The following ATIC variants were observed in gnomAD, a reference collection of about 807,000 sequenced individuals.
The protein encoded by ATIC is 5-aminoimidazole-4-carboxamide ribonucleotide formyltransferase/IMP cyclohydrolase.
A neutral mutation model predicts 72.5 loss-of-function variants in ATIC; 64 were observed. The ratio of observed to expected loss-of-function variants is 0.88; its 90% confidence interval spans 0.72 to 1.09. The LOEUF (loss-of-function observed/expected upper bound fraction) is 1.09. Among genes scored for constraint, ATIC ranks in the 50% least tolerant of loss-of-function variants. The pLI is 0.00. For missense variants in ATIC, 787 were observed against 732.4 expected (o/e 1.07, Z -0.86); for synonymous variants, 281 against 267.1 (o/e 1.05, Z -0.51).
the ATIC span, chr2:215,367,906 C>T: frequency 3.7e-6 from 6 of 1,614,142 alleles, no homozygotes; most frequent in Non-Finnish European, 5.1e-6. Context: ...AGCCTAAGCA[C>T]TGGCACAACA....
chr2:215,356,572 A>G, the ATIC span, among the ~76,000 whole-genome samples: 1 of 152,186 alleles, frequency 6.6e-6, no homozygotes, highest in African/African-American at 2.4e-5. Context: ...TAAAATTTTC[A>G]TCACCCCAAA....
At chr2:215,315,362 A>G (rs1027103797) in intron 2 of ATIC, among the ~76,000 whole-genome samples, 8 of 151,982 alleles carry the variant, frequency 5.3e-5, no homozygotes, top group African/African-American at 1.7e-4. Context: ...AGAAAGCTAT[A>G]TATATATATT....
chr2:215,354,485 G>GT (rs760514512), downstream of ATIC, among the ~76,000 whole-genome samples: 9 of 152,100 alleles, frequency 5.9e-5, no homozygotes, highest in South Asian at 4.2e-4. Context: ...CATTTCTTCT[G>GT]TTTTTTATCC....
intron 2 of ATIC, among the ~76,000 whole-genome samples, chr2:215,313,548 A>G (rs2052677837): frequency 6.6e-6 from 1 of 152,192 alleles, no homozygotes; most frequent in Non-Finnish European, 1.5e-5. Context: ...CGGCAGTGAG[A>G]GTTGGGAGGA....
intron 2 of ATIC, among the ~76,000 whole-genome samples, chr2:215,317,567 C>T (rs2052723487): frequency 6.6e-6 from 1 of 152,104 alleles, no homozygotes; most frequent in African/African-American, 2.4e-5. Context: ...CTCACTGCGA[C>T]CTCCAACTCT....
the ATIC span, among the ~76,000 whole-genome samples, chr2:215,355,227 C>T: frequency 6.6e-6 from 1 of 152,108 alleles, no homozygotes; most frequent in Non-Finnish European, 1.5e-5. Flanking sequence ...AAGTTGAGCA[C>T]TTTGGGAGGG....
rs114443266 is a variant in ATIC at position 215,319,657 on chromosome 2, T to A, written c.224-8T>A. 4.5e-4 allele frequency: 722 copies of A among 1,603,986 alleles called. 4 individuals carry two copies. The African/African-American group carries it at 7.4e-3, about 16-fold the overall frequency. On this transcript the variant is annotated splice_region_variant and splice_polypyrimidine_tract_variant and intron_variant, in intron 3 of 15. Transcript: ENST00000236959. Reference sequence around the variant, plus strand: ...AGCTAATGACTTTGTTTAACTTTTTTAAATTAGGAATCCTAGCTCGTAATA... The same window carrying A: ...AGCTAATGACTTTGTTTAACTTTTTAAAATTAGGAATCCTAGCTCGTAATA...
At chr2:215,367,951 A>C in the ATIC span, 4 of 1,614,094 alleles carry the variant, frequency 2.5e-6, no homozygotes, top group Non-Finnish European at 3.4e-6. Context: ...GTTCCCACTC[A>C]TCTCCAACGG....
intron 4 of ATIC, 186 bp from the exon 5 acceptor site, chr2:215,325,055 C>T (rs1217315807): frequency 1.8e-6 from 1 of 561,668 alleles, no homozygotes; most frequent in Non-Finnish European, 3.2e-6. Flanking sequence ...TCTGCTCGAC[C>T]CCAGCAGGAC....
At position 215,325,316 on chromosome 2, in the gene ATIC, G is replaced by A. The variant is rs781558741; in HGVS notation, c.366G>A (p.Glu122=). 101 of 1,613,074 alleles carry A rather than the reference G, an allele frequency of 6.3e-5. No homozygotes were observed. Among genetic ancestry groups the A allele is most frequent in the Admixed American group, 2.2e-4 (13 of 60,000 alleles). The stretch of plus-strand genomic sequence containing the variant: ...GTGTAACTGTTGAGGAGGCTGTGGA[G>A]CAAATTGACATTGGTAAGTCAGAAA... ...SPGVTVEEAV[E]QIDIGGVTLL... Residue 122 remains glutamate, a synonymous_variant, in exon 5 of 16, where the codon GAG becomes GAA. Coordinates refer to ENST00000236959, the MANE Select transcript of ATIC (RefSeq NM_004044.7).
At chr2:215,321,518 A>G (rs770258655) in intron 4 of ATIC, among the ~76,000 whole-genome samples, 2 of 152,202 alleles carry the variant, frequency 1.3e-5, no homozygotes, top group Non-Finnish European at 2.9e-5. Flanking sequence ...TTCCTTGGTC[A>G]TATGGTAACT....
At chr2:215,345,642 G>A (rs2053063334) in intron 13 of ATIC, 1 of 152,634 alleles carries the variant, frequency 6.6e-6, no homozygotes, top group Non-Finnish European at 1.5e-5. Context: ...AGGGAGGTGG[G>A]TGGATATGAA....
chr2:215,321,041 A>G (rs1420318746), intron 4 of ATIC, among the ~76,000 whole-genome samples: 2 of 152,286 alleles, frequency 1.3e-5, no homozygotes, highest in Admixed American at 6.5e-5. Context: ...TGAGATTTGG[A>G]GAGGACACAC....
At chr2:215,314,029 T>G (rs1003290861) in intron 2 of ATIC, among the ~76,000 whole-genome samples, 9 of 152,204 alleles carry the variant, frequency 5.9e-5, no homozygotes, top group African/African-American at 2.2e-4. Flanking sequence ...TGGAAACATT[T>G]CAGACACAAT....
intron 14 of ATIC, 101 bp from the exon 15 acceptor site, chr2:215,348,993 C>G: frequency 1.8e-6 from 2 of 1,138,348 alleles, no homozygotes; most frequent in South Asian, 3.3e-5. Context: ...AAAACAAGTC[C>G]TAAGAAAAAT....
chr2:215,332,082 T>C (rs918392752), intron 7 of ATIC, among the ~76,000 whole-genome samples: 7 of 151,960 alleles, frequency 4.6e-5, no homozygotes, highest in African/African-American at 1.7e-4. Flanking sequence ...CATCCCTAAA[T>C]CTCTTATTGT....
In ATIC at chr2:215,346,880, G is replaced by A; in HGVS notation, c.1442G>A (p.Gly481Glu). 6.2e-7 allele frequency: 1 copy of A among 1,614,196 alleles called. No individual in the cohort carries two copies. The highest frequency in any genetic ancestry group is 1.1e-5 in the South Asian group (1 of 91,080). ...GTGCTTTCGATGAAGTTTAAAACAG[G>A]AGTGAAGAGAGCAGAAATCTCCAAT... Reference protein sequence around the residue: ...PQVLSMKFKTGVKRAEISNAI... With the variant: ...PQVLSMKFKTEVKRAEISNAI... Residue 481 changes from glycine to glutamate, a missense_variant, in exon 14 of 16, where the codon GGA (glycine) becomes GAA (glutamate). Physicochemically the swap from Gly to Glu is moderately conservative, Grantham distance 98. Coordinates refer to ENST00000236959, the MANE Select transcript of ATIC (RefSeq NM_004044.7).
At chr2:215,339,771 A>G (rs1162470255) in intron 12 of ATIC, among the ~76,000 whole-genome samples, 1 of 150,008 alleles carries the variant, frequency 6.7e-6, no homozygotes, top group Admixed American at 6.7e-5. Context: ...AGTAGCTGGG[A>G]CTACAGGCGC....
chr2:215,338,126 T>C (rs2052977138), intron 11 of ATIC, among the ~76,000 whole-genome samples: 1 of 152,118 alleles, frequency 6.6e-6, no homozygotes, highest in South Asian at 2.1e-4. Context: ...AAAGAAGAAA[T>C]AGTGTCAAGT....
Sources: gnomAD v4.1 joint callset for allele counts (sites outside exome capture counted in the v4.1 genomes callset) on GRCh38, gnomAD v4.1.1 for gene constraint, MANE v1.5 for transcripts, NCBI Gene and HGNC (gene_info 2026-07-23, HGNC 2026-07-21) for gene names.